The following PPFIA2 variants were observed in gnomAD, a reference collection of about 807,000 sequenced individuals.
PPFIA2 encodes the protein PPFI scaffold protein A2.
In PPFIA2, 46 loss-of-function variants were observed where a neutral mutation model predicts 175.5. The ratio of observed to expected loss-of-function variants is 0.26; its 90% CI spans 0.21 to 0.34. The LOEUF (loss-of-function observed/expected upper bound fraction) is 0.34, where lower values mean the gene tolerates loss of function less well. Ranked by LOEUF, PPFIA2 falls within the 10% of genes least tolerant of loss-of-function variation. PPFIA2 has a pLI of 1.00. For synonymous variants in PPFIA2, 568 were observed against 511.4 expected, an observed-to-expected ratio of 1.11 and a Z score of -1.49; for missense variants, 1,179 against 1,506.1, an observed-to-expected ratio of 0.78 and a Z score of 3.60.
intron 24 of PPFIA2, among the ~76,000 whole-genome samples, chr12:81,289,487 C>T (rs1419008414): frequency 6.6e-6 from 1 of 151,832 alleles, no homozygotes; most frequent in African/African-American, 2.4e-5. Flanking sequence ...CCTATATAAA[C>T]ACTAAGTTGA....
intron 4 of PPFIA2, among the ~76,000 whole-genome samples, chr12:81,635,135 G>A (rs1299816644): frequency 3.3e-5 from 5 of 152,154 alleles, no homozygotes; most frequent in Admixed American, 6.5e-5. Flanking sequence ...CTATTGAAAT[G>A]TCCCCTTTCC....
chr12:81,462,583 T>TACATATATATATATATATATATAC (rs2054801458), intron 4 of PPFIA2, among the ~76,000 whole-genome samples: 6 of 28,318 alleles, frequency 2.1e-4, no homozygotes, highest in Admixed American at 6.0e-4. Flanking sequence ...TATATATATA[T>TACATATATATATATATATATATAC]ACATATATAT....
At chr12:81,566,881 T>G (rs929222911) in intron 4 of PPFIA2, among the ~76,000 whole-genome samples, 1 of 152,236 alleles carries the variant, frequency 6.6e-6, no homozygotes, top group Non-Finnish European at 1.5e-5. Context: ...TAGATGTATA[T>G]CAGTACTCAA....
At chr12:81,727,340 C>G (rs531724632) in intron 3 of PPFIA2, among the ~76,000 whole-genome samples, 4 of 151,260 alleles carry the variant, frequency 2.6e-5, no homozygotes, top group Non-Finnish European at 4.4e-5. Context: ...CTCTTCTGTT[C>G]GCCACTTCTT....
intron 3 of PPFIA2, among the ~76,000 whole-genome samples, chr12:81,719,773 A>C (rs560226080): frequency 6.6e-6 from 1 of 151,654 alleles, no homozygotes; most frequent in African/African-American, 2.4e-5. Flanking sequence ...AAACAAATAC[A>C]TTTCAAAATG....
At chr12:81,347,413 A>T (rs1234423242) in intron 18 of PPFIA2, 120 bp downstream of exon 18, 2 of 898,374 alleles carry the variant, frequency 2.2e-6, no homozygotes, top group Non-Finnish European at 3.6e-6. Flanking sequence ...GAATAAGAAA[A>T]TAAATAAACA....
intron 15 of PPFIA2, among the ~76,000 whole-genome samples, chr12:81,359,742 A>T (rs911147090): frequency 6.6e-6 from 1 of 151,894 alleles, no homozygotes; most frequent in Non-Finnish European, 1.5e-5. Flanking sequence ...TTCTAACATT[A>T]TAACTCATCA....
chr12:81,612,848 TAC>T, intron 4 of PPFIA2, among the ~76,000 whole-genome samples: 1 of 152,276 alleles, frequency 6.6e-6, no homozygotes, highest in East Asian at 1.9e-4. Context: ...TGCACAAACA[TAC>T]ACACACACAA....
At chr12:81,413,617 A>G (rs1276236407) in intron 7 of PPFIA2, among the ~76,000 whole-genome samples, 1 of 151,814 alleles carries the variant, frequency 6.6e-6, no homozygotes, top group Non-Finnish European at 1.5e-5. Context: ...TGTAAACTCA[A>G]AGTAATAGGC....
intron 3 of PPFIA2, among the ~76,000 whole-genome samples, chr12:81,706,682 G>C (rs1290218803): frequency 6.6e-6 from 1 of 152,092 alleles, no homozygotes; most frequent in Non-Finnish European, 1.5e-5. Context: ...GGGGTCAGGG[G>C]TCAGGGACCC....
intron 4 of PPFIA2, chr12:81,535,492 A>G: frequency 2.2e-6 from 1 of 455,162 alleles, no homozygotes; most frequent in South Asian, 1.6e-5. Flanking sequence ...AGCAGGTGCC[A>G]TGAGATCAGG....
intron 4 of PPFIA2, among the ~76,000 whole-genome samples, chr12:81,501,381 C>A (rs2060579531): frequency 6.6e-6 from 1 of 152,160 alleles, no homozygotes; most frequent in Admixed American, 6.5e-5. Context: ...GACACCCCTT[C>A]TTTGCTTTAC....
intron 4 of PPFIA2, among the ~76,000 whole-genome samples, chr12:81,583,506 T>G (rs1315722500): frequency 6.6e-6 from 1 of 151,956 alleles, no homozygotes; most frequent in African/African-American, 2.4e-5. Flanking sequence ...CTTCTTGTCA[T>G]GCAAATAACC....
intron 28 of PPFIA2, among the ~76,000 whole-genome samples, chr12:81,270,234 G>C (rs2038681562): frequency 6.6e-6 from 1 of 152,146 alleles, no homozygotes; most frequent in African/African-American, 2.4e-5. Flanking sequence ...ATTTAACCTT[G>C]CATTATTAAT....
At chr12:81,702,887 G>A (rs2076663137) in intron 3 of PPFIA2, among the ~76,000 whole-genome samples, 1 of 152,090 alleles carries the variant, frequency 6.6e-6, no homozygotes, top group Non-Finnish European at 1.5e-5. Flanking sequence ...CCCGTGTGAG[G>A]ACACACCAAG....
chr12:81,268,429 C>G (rs1247682762), intron 28 of PPFIA2, among the ~76,000 whole-genome samples: 3 of 152,106 alleles, frequency 2.0e-5, no homozygotes, highest in Non-Finnish European at 2.9e-5. Flanking sequence ...TGAGCCACCG[C>G]GCCCGGCGCA....
At chr12:81,650,391 T>C (rs2066858914) in intron 4 of PPFIA2, among the ~76,000 whole-genome samples, 1 of 152,214 alleles carries the variant, frequency 6.6e-6, no homozygotes, top group African/African-American at 2.4e-5. Context: ...GGATAACTTG[T>C]ACTATTAGTC....
intron 7 of PPFIA2, among the ~76,000 whole-genome samples, chr12:81,428,977 C>T (rs1206869996): frequency 6.6e-6 from 1 of 152,014 alleles, no homozygotes; most frequent in Non-Finnish European, 1.5e-5. Context: ...TAAGTTTAGT[C>T]ATGGCGACTT....
At chr12:81,749,677 A>T (rs1421999131) in intron 3 of PPFIA2, among the ~76,000 whole-genome samples, 1 of 144,342 alleles carries the variant, frequency 6.9e-6, no homozygotes, top group Non-Finnish European at 1.6e-5. Context: ...GGATAAAACA[A>T]ATGCAAGTAA....
Sources: allele counts gnomAD v4.1 joint callset (sites outside exome capture counted in the v4.1 genomes callset), GRCh38; gene constraint gnomAD v4.1.1; transcripts MANE v1.5; gene names NCBI Gene and HGNC (gene_info 2026-07-23, HGNC 2026-07-21).